ERI1: variants seen among roughly 807,000 people sequenced by gnomAD.
The protein encoded by ERI1 is exoribonuclease 1.
Under a neutral mutation model 39.7 loss-of-function variants are expected in ERI1, and 39 were observed. That is an observed-to-expected ratio of 0.98 (90% CI 0.76 to 1.28). The LOEUF (loss-of-function observed/expected upper bound fraction) is 1.28, where lower values mean the gene tolerates loss of function less well. ERI1 is among the 50% of genes most tolerant of loss of function. ERI1 has a pLI of 0.00. For synonymous variants in ERI1, 204 were observed against 149.6 expected (o/e 1.36, Z -2.65); for missense variants, 581 against 416.9 (o/e 1.39, Z -3.43).
intron 6 of ERI1, among the ~76,000 whole-genome samples, chr8:9,023,603 C>T (rs577247511): frequency 5.7e-4 from 87 of 151,810 alleles, no homozygotes; most frequent in African/African-American, 1.9e-3. Context: ...GTGTGGTTTT[C>T]CCCTCTTCGT....
chr8:9,091,073 ATG>A (rs1799686318), intron 3 of ERI1, among the ~76,000 whole-genome samples: 1 of 152,168 alleles, frequency 6.6e-6, no homozygotes, highest in African/African-American at 2.4e-5. Context: ...TAACACATAT[ATG>A]TTCCCCTATT....
rs1488499479 is a variant in ERI1 at position 9,029,919 on chromosome 8, A to G, written c.935A>G (p.Asp312Gly). 1 of 1,614,110 alleles carries G rather than the reference A, an allele frequency of 6.2e-7. No individual in the cohort carries two copies. The highest frequency in any genetic ancestry group is 8.5e-7 in the Non-Finnish European group (1 of 1,180,018). The change falls in exon 7 of 7, where the codon GAT becomes GGT. Residue 312 changes from aspartate to glycine, a missense_variant. Coordinates refer to ENST00000250263, the MANE Select transcript of ERI1 (RefSeq NM_153332.4). ...IARIAVRMLQ[D>G]GCELRINEKM... Reference sequence around the variant, plus strand: ...CGAATAGCAGTTCGAATGCTTCAGGATGGGTGTGAACTCCGAATCAACGAG... The same window carrying G: ...CGAATAGCAGTTCGAATGCTTCAGGGTGGGTGTGAACTCCGAATCAACGAG...
chr8:9,037,937 A>G (rs894021471), downstream of ERI1, among the ~76,000 whole-genome samples: 68 of 152,230 alleles, frequency 4.5e-4, no homozygotes, highest in African/African-American at 1.6e-3. Context: ...TGGCCTTGAA[A>G]AAGGTCATTG....
rs186830448 is a variant in ERI1, at chr8:9,009,580, G to C, written c.287+1432G>C. ...TTTTGAGACAGAGTCTTGCTCTGTCGCCAGGCTGGAGTGCAGTGGTGTGAT... is the reference window on the plus strand; with the variant it reads ...TTTTGAGACAGAGTCTTGCTCTGTCCCCAGGCTGGAGTGCAGTGGTGTGAT... On this transcript the variant is annotated intron_variant, in intron 2 of 6. Coordinates refer to ENST00000250263, the MANE Select transcript of ERI1 (RefSeq NM_153332.4). 2.2e-3 allele frequency among the ~76,000 whole-genome samples: 340 copies of C among 152,104 alleles called. 1 individual carries two copies. The highest frequency in any genetic ancestry group is 7.6e-3 in the African/African-American group (317 of 41,502).
At chr8:9,050,578 CCTGT>C (rs1419811053) in intron 3 of ERI1, among the ~76,000 whole-genome samples, 14 of 152,074 alleles carry the variant, frequency 9.2e-5, no homozygotes, top group African/African-American at 2.7e-4. Flanking sequence ...TAGGTCTATT[CCTGT>C]CTGAGTCCTC....
chr8:9,044,292 T>G (rs894231892), intron 3 of ERI1, among the ~76,000 whole-genome samples: 1 of 152,180 alleles, frequency 6.6e-6, no homozygotes, highest in African/African-American at 2.4e-5. Context: ...TCCTTACATT[T>G]TCTCTGATTA....
At chr8:9,046,983 G>C (rs1798193390) in intron 3 of ERI1, among the ~76,000 whole-genome samples, 1 of 152,180 alleles carries the variant, frequency 6.6e-6, no homozygotes, top group African/African-American at 2.4e-5. Flanking sequence ...ACTGGGCTGA[G>C]ATTTTTTTGA....
chr8:9,042,785 C>A (rs912583138), intron 3 of ERI1, among the ~76,000 whole-genome samples: 1 of 152,090 alleles, frequency 6.6e-6, no homozygotes, highest in African/African-American at 2.4e-5. Context: ...TGATGCTCAA[C>A]GAATAAATAT....
At chr8:9,028,209 C>T (rs566332638) in intron 6 of ERI1, among the ~76,000 whole-genome samples, 88 of 152,258 alleles carry the variant, frequency 5.8e-4, no homozygotes, top group African/African-American at 1.9e-3. Context: ...CAGCGCTTTT[C>T]TTTGTTAGAG....
In ERI1 at chr8:9,067,098, A is replaced by G. The variant is rs1024026628; in HGVS notation, n.299+46634A>G. Among the ~76,000 whole-genome samples the G allele has an allele frequency of 4.6e-5, 7 of 152,318 alleles. No individual in the cohort carries two copies. The East Asian group carries it at 9.6e-4, about 21-fold the overall frequency. ...TGCCCTACCTATTTCTAAAAATCGC[A>G]TGAGTCTCCAAAATTGCAAGTGATA... On this transcript the variant is annotated intron_variant and non_coding_transcript_variant, in intron 3 of 3. Transcript: ENST00000518663.
In ERI1 at chr8:9,018,319, C is replaced by T. The variant is rs757349300; in HGVS notation, c.605C>T (p.Thr202Ile). 5.6e-5 allele frequency: 90 copies of T among 1,611,404 alleles called. No individual in the cohort carries two copies. The highest frequency in any genetic ancestry group is 1.6e-4 in the Middle Eastern group (1 of 6,070). Residue 202 changes from threonine (T) to isoleucine (I), a missense_variant, in exon 5 of 7, where the codon ACC becomes ATC. Physicochemically the swap from Thr to Ile is moderately conservative, Grantham distance 89. Transcript: ENST00000250263. ...ITQDQVDRAD[T>I]FPQVLKKVID... ...CAGGATCAGGTAGACAGAGCTGATA[C>T]CTTCCCTCAGGTACTAAAAAAAGTA... is the stretch of plus-strand genomic sequence containing the variant.
At chr8:9,008,227 A>C in intron 2 of ERI1, 79 bp downstream of exon 2, 1 of 1,213,874 alleles carries the variant, frequency 8.2e-7, no homozygotes. Context: ...GAAATATTAA[A>C]AATCATCTGT....
chr8:9,051,733 C>T (rs999273031), intron 3 of ERI1, among the ~76,000 whole-genome samples: 1 of 149,940 alleles, frequency 6.7e-6, no homozygotes, highest in Non-Finnish European at 1.5e-5. Flanking sequence ...TTTAGTTTTT[C>T]TGAGTTTGTA....
At chr8:9,035,626 G>C (rs2117330842), downstream of ERI1, among the ~76,000 whole-genome samples, 1 of 152,318 alleles carries the variant, frequency 6.6e-6, no homozygotes, top group South Asian at 2.1e-4. Flanking sequence ...CAGGAGTTCT[G>C]ATGGAGTTGT....
chr8:9,097,044 C>A (rs1344125484), intron 3 of ERI1, among the ~76,000 whole-genome samples: 1 of 151,928 alleles, frequency 6.6e-6, no homozygotes, highest in Non-Finnish European at 1.5e-5. Context: ...GAACCCATTC[C>A]CTCTCTGCCT....
intron 3 of ERI1, among the ~76,000 whole-genome samples, chr8:9,085,346 T>C (rs1799491948): frequency 6.6e-6 from 1 of 152,002 alleles, no homozygotes. Flanking sequence ...GGAGATGAGA[T>C]TACAGGCTTA....
At chr8:9,008,961 C>T in intron 2 of ERI1, 1 of 454,926 alleles carries the variant, frequency 2.2e-6, no homozygotes, top group African/African-American at 2.0e-5. Context: ...TTATTAATTT[C>T]TAGATTGTCT....
At chr8:9,028,375 C>T (rs1282244200) in intron 6 of ERI1, among the ~76,000 whole-genome samples, 4 of 152,138 alleles carry the variant, frequency 2.6e-5, no homozygotes, top group South Asian at 2.1e-4. Flanking sequence ...TTTAGAAGTG[C>T]GTTTTCCAAG....
intron 5 of ERI1, among the ~76,000 whole-genome samples, chr8:9,019,138 T>G (rs912241145): frequency 6.6e-6 from 1 of 152,192 alleles, no homozygotes; most frequent in African/African-American, 2.4e-5. Context: ...AAGCATTTGT[T>G]AAATGAAAAG....
Sources: allele counts gnomAD v4.1 joint callset (sites outside exome capture counted in the v4.1 genomes callset), GRCh38; gene constraint gnomAD v4.1.1; transcripts MANE v1.5; gene names NCBI Gene and HGNC (gene_info 2026-07-23, HGNC 2026-07-21).